The following ABHD6 variants were observed in gnomAD, a reference collection of about 807,000 sequenced individuals.
ABHD6 encodes the protein abhydrolase domain containing 6, acylglycerol lipase.
In ABHD6, 33 loss-of-function variants were observed where a neutral mutation model predicts 38.8. That is an observed-to-expected ratio of 0.85 (90% CI 0.64 to 1.14). ABHD6 has a LOEUF of 1.14. Ranked by LOEUF, ABHD6 falls within the 50% of genes most tolerant of loss-of-function variation. The pLI is 0.00. For synonymous variants in ABHD6, 147 were observed against 161.6 expected (o/e 0.91, Z 0.69); for missense variants, 380 against 422.6 (o/e 0.90, Z 0.88).
intron 1 of ABHD6, among the ~76,000 whole-genome samples, chr3:58,248,291 A>G (rs892331168): frequency 6.6e-6 from 1 of 152,242 alleles, no homozygotes; most frequent in African/African-American, 2.4e-5. Context: ...TAAGTTCACT[A>G]TATGTAAGCG....
chr3:58,262,725 G>C (rs1296373240), intron 3 of ABHD6, among the ~76,000 whole-genome samples: 2 of 152,132 alleles, frequency 1.3e-5, no homozygotes, highest in Non-Finnish European at 2.9e-5. Flanking sequence ...AGCTGGCCTG[G>C]TATCTTAGAG....
In ABHD6 at chr3:58,287,150, G is replaced by T. The variant is rs2097458079; in HGVS notation, c.837+1697G>T. Among the ~76,000 whole-genome samples the T allele has an allele frequency of 6.6e-6, 1 of 151,840 alleles. No homozygotes were observed. Among genetic ancestry groups the T allele is most frequent in the Non-Finnish European group, 1.5e-5 (1 of 67,988 alleles). ...TTTTAAAAAAGTAGCCAAGCATGGTGGTATGCATCTGTAGTCCCAGCTACT... is the reference window on the plus strand; with the variant it reads ...TTTTAAAAAAGTAGCCAAGCATGGTTGTATGCATCTGTAGTCCCAGCTACT... On this transcript the variant is annotated intron_variant, in intron 9 of 9. Coordinates refer to ENST00000478253, the MANE Select transcript of ABHD6 (RefSeq NM_001320126.2). This position sits in a 1 kb window ranked among gnomAD's most constrained non-coding sequence, Gnocchi z 4.7.
chr3:58,246,481 A>G (rs1031183813), intron 1 of ABHD6, among the ~76,000 whole-genome samples: 7 of 152,188 alleles, frequency 4.6e-5, no homozygotes, highest in African/African-American at 1.7e-4. Flanking sequence ...CTAGAGAATC[A>G]GGTAGCACGG....
chr3:58,279,422 C>T (rs1234445939), intron 7 of ABHD6, among the ~76,000 whole-genome samples: 1 of 117,212 alleles, frequency 8.5e-6, no homozygotes, highest in Non-Finnish European at 1.7e-5. Flanking sequence ...GATTGCAACC[C>T]TGCTTTTTTT....
intron 9 of ABHD6, among the ~76,000 whole-genome samples, chr3:58,286,378 G>A (rs1306696815): frequency 2.6e-5 from 4 of 151,902 alleles, no homozygotes; most frequent in Non-Finnish European, 4.4e-5. Flanking sequence ...CTGGTCTTGA[G>A]CTCCTGACTT....
At chr3:58,248,258 C>A (rs2097427737) in intron 1 of ABHD6, among the ~76,000 whole-genome samples, 2 of 152,164 alleles carry the variant, frequency 1.3e-5, no homozygotes, top group Admixed American at 1.3e-4. Context: ...CTTTGCAAAG[C>A]TGTATCATCA....
chr3:58,271,477 C>T (rs1286662552), intron 6 of ABHD6, among the ~76,000 whole-genome samples: 4 of 151,954 alleles, frequency 2.6e-5, no homozygotes, highest in Admixed American at 2.6e-4. Context: ...GAATTTAATT[C>T]TTGCAGTAGC....
chr3:58,280,182 G>C (rs1012646787), intron 7 of ABHD6, among the ~76,000 whole-genome samples: 2 of 152,146 alleles, frequency 1.3e-5, no homozygotes, highest in Non-Finnish European at 2.9e-5. Flanking sequence ...CCTGAAGAGT[G>C]TTTTCCAACT....
intron 1 of ABHD6, among the ~76,000 whole-genome samples, chr3:58,241,006 A>G (rs1464005555): frequency 1.3e-5 from 2 of 152,286 alleles, no homozygotes; most frequent in African/African-American, 2.4e-5. Context: ...CTGGGATTGC[A>G]GATGTGAGCC....
In ABHD6 at chr3:58,275,563, G is replaced by A. The variant is rs1048982579; in HGVS notation, c.681+748G>A. On this transcript the variant is annotated intron_variant, in intron 7 of 9. Transcript: ENST00000478253. Reference sequence around the variant, plus strand: ...AGGCTGGTCTCGAACTCCTGACCCCGTGATCCGTCCACCTCAGCCTCCCAA... The same window carrying A: ...AGGCTGGTCTCGAACTCCTGACCCCATGATCCGTCCACCTCAGCCTCCCAA... Among the ~76,000 whole-genome samples the A allele has an allele frequency of 1.1e-4, 16 of 152,136 alleles. 1 individual carries two copies. The highest frequency in any genetic ancestry group is 1.9e-4 in the East Asian group (1 of 5,174).
At position 58,285,322 on chromosome 3, in the gene ABHD6, C is replaced by T. The variant is rs749103955; in HGVS notation, c.737-31C>T. 14 of 1,604,888 alleles carry T rather than the reference C, an allele frequency of 8.7e-6. No homozygotes were observed. The South Asian group carries it at 1.2e-4, about 14-fold the overall frequency. ...GTGGTGCCACAGGCACAGTCCAGCA[C>T]ATACTCACTTTGTTTTCCTTTTCTG... is the stretch of plus-strand genomic sequence containing the variant. On this transcript the variant is annotated intron_variant, in intron 8 of 9. Coordinates refer to ENST00000478253, the MANE Select transcript of ABHD6 (RefSeq NM_001320126.2). The surrounding 1 kb of genome is among the most constrained non-coding windows in gnomAD (Gnocchi z 4.9).
chr3:58,280,264 A>G lies in ABHD6; in HGVS notation c.682-4821A>G, dbSNP rs183468833. Reference sequence around the variant, plus strand: ...ATTTGGTATTTTCACATAGTCCCGTATTTCTTGGAAGCTTTTTTTGTTTCT... The same window carrying G: ...ATTTGGTATTTTCACATAGTCCCGTGTTTCTTGGAAGCTTTTTTTGTTTCT... On this transcript the variant is annotated intron_variant, in intron 7 of 9. Transcript: ENST00000478253. Among the ~76,000 whole-genome samples the G allele has an allele frequency of 1.1e-3, 170 of 152,144 alleles. 2 individuals are homozygous for G. The highest frequency in any genetic ancestry group is 8.6e-3 in the Admixed American group (132 of 15,282).
chr3:58,281,583 G>A (rs572726269), intron 7 of ABHD6, among the ~76,000 whole-genome samples: 33 of 152,304 alleles, frequency 2.2e-4, no homozygotes, highest in Non-Finnish European at 4.1e-4. Context: ...GCTTCAGCTC[G>A]CCCTCTGTGG....
Position 58,285,580 on chromosome 3 carries a change from G to A in ABHD6, c.837+127G>A. 1 of 806,178 alleles carries A rather than the reference G, an allele frequency of 1.2e-6. No homozygotes were observed. 49.9% of individuals were successfully genotyped at this position (806,178 alleles called of 1,614,324 possible). A position where few individuals can be genotyped will look rare whatever the true frequency, so the allele number is the denominator to read the frequency against. ...CGCTGCTGTCAGGAAGAGGGGGAAG[G>A]CACCTGTGTTGGGTGCCAGTGTTGA... is the stretch of plus-strand genomic sequence containing the variant. On this transcript the variant is annotated intron_variant, in intron 9 of 9. Coordinates refer to ENST00000478253, the MANE Select transcript of ABHD6 (RefSeq NM_001320126.2). The surrounding 1 kb of genome is among the most constrained non-coding windows in gnomAD (Gnocchi z 4.9).
intron 4 of ABHD6, among the ~76,000 whole-genome samples, chr3:58,268,593 CAGT>C (rs1460424672): frequency 6.6e-6 from 1 of 152,170 alleles, no homozygotes. Context: ...TCATCTACAC[CAGT>C]AGGTGAAGAC....
At chr3:58,282,841 G>A (rs150482989) in intron 7 of ABHD6, among the ~76,000 whole-genome samples, 6 of 152,316 alleles carry the variant, frequency 3.9e-5, no homozygotes, top group Admixed American at 1.3e-4. Flanking sequence ...GTTAAGTTCA[G>A]GTTGCCTGTG....
chr3:58,286,026 T>G (rs1400468710), intron 9 of ABHD6, among the ~76,000 whole-genome samples: 1 of 8,338 alleles, frequency 1.2e-4, no homozygotes, highest in African/African-American at 1.7e-3. Flanking sequence ...TGTTCTTTTG[T>G]TTTTTTTTTT....
Position 58,285,356 on chromosome 3 carries a change from T to G in ABHD6, c.740T>G (p.Phe247Cys), listed in dbSNP as rs773316010. The change falls in exon 9 of 10, where the codon TTT becomes TGT. Residue 247 changes from phenylalanine (F) to cysteine (C), a missense_variant. Coordinates refer to ENST00000478253, the MANE Select transcript of ABHD6 (RefSeq NM_001320126.2). This position sits in a 1 kb window ranked among gnomAD's most constrained non-coding sequence, Gnocchi z 4.9. The part of the protein sequence containing the change: ...IPHNNFYRKL[F>C]LEIVSEKSRY... ...TTTGTTTTCCTTTTCTGACAAGTGT[T>G]TTTGGAAATCGTCAGTGAGAAGTCC... 1 of 1,614,090 alleles carries G rather than the reference T, an allele frequency of 6.2e-7. No individual in the cohort carries two copies. Among genetic ancestry groups the G allele is most frequent in the Non-Finnish European group, 8.5e-7 (1 of 1,179,926 alleles).
In ABHD6 at chr3:58,286,850, G is replaced by GCATATATATATATATA. The variant is rs1553721726; in HGVS notation, c.837+1397_837+1398insCATATATATATATATA. Among the ~76,000 whole-genome samples, 78 of 72,838 alleles carry GCATATATATATATATA rather than the reference G, an allele frequency of 1.1e-3. 1 individual carries two copies. The highest frequency in any genetic ancestry group is 6.5e-3 in the Middle Eastern group (1 of 154). 47.8% of individuals were successfully genotyped at this position (72,838 alleles called of 152,430 possible). On this transcript the variant is annotated intron_variant, in intron 9 of 9. Coordinates refer to ENST00000478253, the MANE Select transcript of ABHD6 (RefSeq NM_001320126.2). ...TGTGTGTGTGTGTGTGTGTGTGTGT[G>GCATATATATATATATA]TGTATATATATATATATATGTATAT...
Sources: gnomAD v4.1 joint callset for allele counts (sites outside exome capture counted in the v4.1 genomes callset) on GRCh38, gnomAD v4.1.1 for gene constraint, Gnocchi (gnomAD v3.1) non-coding constraint, MANE v1.5 for transcripts, NCBI Gene and HGNC (gene_info 2026-07-23, HGNC 2026-07-21) for gene names.